The following MYO16 variants were observed in gnomAD, a reference collection of about 807,000 sequenced individuals.
MYO16 encodes unconventional myosin-XVI.
In MYO16, 94 loss-of-function variants were observed where a neutral mutation model predicts 205.3. That is an observed-to-expected ratio of 0.46 (90% CI 0.39 to 0.54). MYO16 has a LOEUF of 0.54. MYO16 is among the 20% of genes least tolerant of loss of function. The probability of loss-of-function intolerance (pLI) is 0.00; values close to 1 mark genes in which losing one functional copy is unlikely to be tolerated. For missense variants in MYO16, 2,315 were observed against 2,387.5 expected, an observed-to-expected ratio of 0.97 and a Z score of 0.63; for synonymous variants, 988 against 954.0, an observed-to-expected ratio of 1.04 and a Z score of -0.66.
At chr13:108,602,282 A>G (rs1260641645) in intron 1 of MYO16, among the ~76,000 whole-genome samples, 1 of 152,050 alleles carries the variant, frequency 6.6e-6, no homozygotes, top group African/African-American at 2.4e-5. Flanking sequence ...CACCACCCAC[A>G]CAAGCATACA....
chr13:108,870,924 C>A (rs181966312), intron 12 of MYO16, among the ~76,000 whole-genome samples: 1 of 151,868 alleles, frequency 6.6e-6, no homozygotes, highest in East Asian at 1.9e-4. Context: ...TTTATAAATT[C>A]ATTATCAATT....
chr13:108,825,215 A>G (rs1876187379), intron 9 of MYO16, among the ~76,000 whole-genome samples: 1 of 152,100 alleles, frequency 6.6e-6, no homozygotes. Context: ...TGTGAGATTT[A>G]TGACAAGAAA....
At chr13:108,535,614 C>A in the MYO16 span, among the ~76,000 whole-genome samples, 1 of 152,186 alleles carries the variant, frequency 6.6e-6, no homozygotes, top group African/African-American at 2.4e-5. Context: ...GTTAGGGAAT[C>A]TGTGGAAAAT....
At chr13:108,881,839 C>G (rs553173414) in intron 12 of MYO16, among the ~76,000 whole-genome samples, 1 of 152,094 alleles carries the variant, frequency 6.6e-6, no homozygotes, top group Non-Finnish European at 1.5e-5. Context: ...CTGAAAGTGA[C>G]GAGGAGAATG....
intron 4 of MYO16, among the ~76,000 whole-genome samples, chr13:108,749,482 G>T (rs1381855024): frequency 6.6e-6 from 1 of 152,170 alleles, no homozygotes; most frequent in East Asian, 1.9e-4. Context: ...CTCAACCAAA[G>T]AAGATATACG....
At chr13:108,693,585 A>G (rs931364887) in intron 2 of MYO16, among the ~76,000 whole-genome samples, 1 of 152,346 alleles carries the variant, frequency 6.6e-6, no homozygotes, top group East Asian at 1.9e-4. Context: ...TTATAATAAC[A>G]TTCCATTGCA....
chr13:109,117,185 C>T (rs1168886283), intron 28 of MYO16, among the ~76,000 whole-genome samples: 1 of 151,978 alleles, frequency 6.6e-6, no homozygotes, highest in Non-Finnish European at 1.5e-5. Flanking sequence ...GTCATCTTAT[C>T]TCATTTTCAC....
chr13:108,600,359 C>T (rs1415046771), intron 1 of MYO16, among the ~76,000 whole-genome samples: 1 of 152,082 alleles, frequency 6.6e-6, no homozygotes, highest in African/African-American at 2.4e-5. Flanking sequence ...AACATTTTAC[C>T]TACTACATAG....
intron 1 of MYO16, among the ~76,000 whole-genome samples, chr13:108,624,077 T>G (rs1242677715): frequency 1.3e-5 from 2 of 152,176 alleles, no homozygotes; most frequent in African/African-American, 4.8e-5. Flanking sequence ...CATATTTTGT[T>G]TAAAAAATCC....
chr13:109,126,803 T>A (rs1177258428), intron 30 of MYO16, among the ~76,000 whole-genome samples: 2 of 152,202 alleles, frequency 1.3e-5, no homozygotes, highest in African/African-American at 2.4e-5. Context: ...TGTAAATTTC[T>A]GAGAGTTTTA....
At chr13:109,123,044 C>T (rs144337205) in intron 29 of MYO16, among the ~76,000 whole-genome samples, 2 of 152,264 alleles carry the variant, frequency 1.3e-5, no homozygotes, top group Non-Finnish European at 2.9e-5. Flanking sequence ...ACTCTATATG[C>T]TCATTTTATC....
chr13:109,109,354 C>T (rs1209503809), intron 28 of MYO16, among the ~76,000 whole-genome samples: 1 of 152,142 alleles, frequency 6.6e-6, no homozygotes, highest in East Asian at 1.9e-4. Flanking sequence ...CTAAATGGTT[C>T]GGAACCAGTG....
At position 109,080,230 on chromosome 13, in the gene MYO16, A is replaced by G. The variant is rs927158378; in HGVS notation, c.3336-20555A>G. On this transcript the variant is annotated intron_variant, in intron 27 of 34. Transcript: ENST00000457511. The stretch of plus-strand genomic sequence containing the variant: ...GATAATGTGGATAATATTTTTCTAT[A>G]TGGATAGCTGTTTTCCTGCTTTGAT... Among the ~76,000 whole-genome samples the G allele has an allele frequency of 2.8e-4, 43 of 152,116 alleles. 1 individual carries two copies. Among genetic ancestry groups the G allele is most frequent in the Admixed American group, 2.6e-3 (40 of 15,284 alleles).
chr13:109,093,293 G>T (rs930683657), intron 27 of MYO16, among the ~76,000 whole-genome samples: 2 of 152,158 alleles, frequency 1.3e-5, no homozygotes, highest in African/African-American at 4.8e-5. Flanking sequence ...ACAGCTTGAG[G>T]TTGGAACCCC....
At chr13:108,785,586 T>C in intron 4 of MYO16, 49 bp from the exon 5 acceptor site, 1 of 1,167,358 alleles carries the variant, frequency 8.6e-7, no homozygotes. Context: ...CTAATCTGCT[T>C]TTAATTTAAA....
intron 1 of MYO16, among the ~76,000 whole-genome samples, chr13:108,598,580 G>T (rs558277396): frequency 6.6e-6 from 1 of 152,136 alleles, no homozygotes; most frequent in East Asian, 1.9e-4. Flanking sequence ...TGAGTTGAAA[G>T]TGTCCACTTT....
intron 23 of MYO16, among the ~76,000 whole-genome samples, chr13:109,045,144 C>G (rs1055359346): frequency 2.0e-5 from 3 of 152,140 alleles, no homozygotes; most frequent in Non-Finnish European, 4.4e-5. Flanking sequence ...CATGGTTTTG[C>G]TGGGCACTGC....
At chr13:108,782,941 A>AT (rs1487683282) in intron 4 of MYO16, among the ~76,000 whole-genome samples, 2 of 152,208 alleles carry the variant, frequency 1.3e-5, no homozygotes, top group African/African-American at 4.8e-5. Flanking sequence ...AGTTTGCTGC[A>AT]GGGGCGAGGC....
chr13:108,567,409 G>A, the MYO16 span, among the ~76,000 whole-genome samples: 1 of 152,070 alleles, frequency 6.6e-6, no homozygotes, highest in South Asian at 2.1e-4. Context: ...TGTTAGCCCG[G>A]GTGATAAGAT....
Sources: allele counts gnomAD v4.1 joint callset (sites outside exome capture counted in the v4.1 genomes callset), GRCh38; gene constraint gnomAD v4.1.1; transcripts MANE v1.5; gene names NCBI Gene and HGNC (gene_info 2026-07-23, HGNC 2026-07-21).